The following TTC27 variants were observed in gnomAD, a reference collection of about 807,000 sequenced individuals.
The protein encoded by TTC27 is tetratricopeptide repeat protein 27.
Under a neutral mutation model 115.9 loss-of-function variants are expected in TTC27, and 79 were observed. The ratio of observed to expected loss-of-function variants is 0.68; its 90% CI spans 0.57 to 0.82. The LOEUF (loss-of-function observed/expected upper bound fraction) is 0.82. Ranked by LOEUF, TTC27 falls within the 40% of genes least tolerant of loss-of-function variation. The probability of loss-of-function intolerance (pLI) is 0.00; values close to 1 mark genes in which losing one functional copy is unlikely to be tolerated. For synonymous variants in TTC27, 401 were observed against 356.0 expected (o/e 1.13, Z -1.42); for missense variants, 1,054 against 993.1 (o/e 1.06, Z -0.82).
intron 13 of TTC27, among the ~76,000 whole-genome samples, chr2:32,763,143 A>C (rs999079419): frequency 6.6e-6 from 1 of 152,214 alleles, no homozygotes; most frequent in Non-Finnish European, 1.5e-5. Flanking sequence ...ATGTGAAAAT[A>C]TTTTGGAGCT....
intron 13 of TTC27, among the ~76,000 whole-genome samples, chr2:32,773,876 G>A (rs762734721): frequency 2.0e-5 from 3 of 152,212 alleles, no homozygotes; most frequent in Admixed American, 6.5e-5. Flanking sequence ...AGGTATTCCA[G>A]GGCCTATGTC....
chr2:32,810,848 A>G (rs1227942298), intron 16 of TTC27, among the ~76,000 whole-genome samples, 176 bp from the exon 17 acceptor site: 1 of 152,180 alleles, frequency 6.6e-6, no homozygotes, highest in African/African-American at 2.4e-5. Context: ...ATGAGATCCT[A>G]GAGAGTGCTT....
chr2:32,820,666 G>A lies in TTC27; in HGVS notation c.2410-150G>A, dbSNP rs116656368. 0.01 allele frequency: 5,899 copies of A among 567,120 alleles called. 41 individuals are homozygous for A. The highest frequency in any genetic ancestry group is 0.013 in the Non-Finnish European group (5,102 of 385,618). The allele number at this position is 567,120 out of a possible 1,614,324, so 35.1% of individuals were successfully genotyped here. A position where few individuals can be genotyped will look rare whatever the true frequency, so the allele number is the denominator to read the frequency against. On this transcript the variant is annotated intron_variant, in intron 19 of 19. Coordinates refer to ENST00000317907, the MANE Select transcript of TTC27 (RefSeq NM_017735.5). ...AATTATTTTAGCTTGTACATTTCTTGGCTAGTGAACAGAAAAAAATGCTAC... is the reference window on the plus strand; with the variant it reads ...AATTATTTTAGCTTGTACATTTCTTAGCTAGTGAACAGAAAAAAATGCTAC...
rs1559195926 is a variant in TTC27 at position 32,666,755 on chromosome 2, A to C, written c.926A>C (p.Glu309Ala). 1 of 1,612,810 alleles carries C rather than the reference A, an allele frequency of 6.2e-7. No homozygotes were observed. The highest frequency in any genetic ancestry group is 2.2e-5 in the East Asian group (1 of 44,832). ...TTCACTCCAGCACCCACTCCTCAGG[A>C]ACATTTAACCAAGGCAAGTAGGACA... ...CEFTPAPTPQEHLTKNLELND... is the reference protein window; with the variant it reads ...CEFTPAPTPQAHLTKNLELND... The change falls in exon 7 of 20, where the codon GAA becomes GCA. Residue 309 changes from glutamate (E) to alanine (A), a missense_variant. By Grantham distance (107) the Glu-to-Ala change is moderately radical (BLOSUM62 -1). Coordinates refer to ENST00000317907, the MANE Select transcript of TTC27 (RefSeq NM_017735.5).
chr2:32,685,307 G>A (rs571212611), intron 9 of TTC27, among the ~76,000 whole-genome samples: 4 of 152,216 alleles, frequency 2.6e-5, no homozygotes, highest in African/African-American at 9.6e-5. Context: ...TGGGATTGCA[G>A]GCATGAGCCA....
At chr2:32,769,637 G>T (rs762252308) in intron 13 of TTC27, among the ~76,000 whole-genome samples, 1 of 149,200 alleles carries the variant, frequency 6.7e-6, no homozygotes, top group Non-Finnish European at 1.5e-5. Flanking sequence ...TTCTAGGGGA[G>T]AGTGGAATGA....
chr2:32,700,610 T>C (rs1667152635), intron 9 of TTC27, among the ~76,000 whole-genome samples: 1 of 152,296 alleles, frequency 6.6e-6, no homozygotes, highest in Non-Finnish European at 1.5e-5. Flanking sequence ...CAATCTCGGC[T>C]CACTGCAACC....
At chr2:32,776,953 A>G (rs182889171) in intron 13 of TTC27, among the ~76,000 whole-genome samples, 22 of 152,154 alleles carry the variant, frequency 1.4e-4, no homozygotes, top group Admixed American at 5.2e-4. Context: ...AGGCTATTGA[A>G]TTTTAAGGAA....
intron 5 of TTC27, among the ~76,000 whole-genome samples, chr2:32,663,253 T>A (rs1449630533): frequency 6.6e-6 from 1 of 152,208 alleles, no homozygotes. Context: ...GCTTTGTGTC[T>A]GCCCAAACGG....
intron 16 of TTC27, among the ~76,000 whole-genome samples, chr2:32,798,712 A>AAAAAAAT (rs1167702457): frequency 2.5e-4 from 33 of 130,746 alleles, no homozygotes; most frequent in African/African-American, 9.2e-4. Flanking sequence ...CTCAAAAAAA[A>AAAAAAAT]AAATAATAAT....
Position 32,746,563 on chromosome 2 carries a change from C to CAAAAAAAAAAAAAAAAAAAAAAAA in TTC27, c.1452+9766_1452+9767insAAAAAAAAAAAAAAAAAAAAAAAA. Among the ~76,000 whole-genome samples, 71 of 46,276 alleles carry CAAAAAAAAAAAAAAAAAAAAAAAA rather than the reference C, an allele frequency of 1.5e-3. 3 individuals are homozygous for CAAAAAAAAAAAAAAAAAAAAAAAA. The highest frequency in any genetic ancestry group is 3.3e-3 in the Admixed American group (10 of 2,996). The allele number at this position is 46,276 out of a possible 152,430, so 30.4% of individuals were successfully genotyped here. A position where few individuals can be genotyped will look rare whatever the true frequency, so the allele number is the denominator to read the frequency against. On this transcript the variant is annotated intron_variant, in intron 12 of 19. Transcript: ENST00000317907. ...TGGCAATAAGAGTGAAACTCCATCT[C>CAAAAAAAAAAAAAAAAAAAAAAAA]AAAAAAAAAAAAAAAAAAAGAATGC... is the stretch of plus-strand genomic sequence containing the variant.
At chr2:32,670,283 C>T (rs956068057) in intron 7 of TTC27, among the ~76,000 whole-genome samples, 4 of 151,950 alleles carry the variant, frequency 2.6e-5, no homozygotes, top group Non-Finnish European at 4.4e-5. Flanking sequence ...TAAAATATAC[C>T]GATTTTAAAT....
chr2:32,763,471 T>G (rs1247564660), intron 13 of TTC27, among the ~76,000 whole-genome samples: 1 of 152,242 alleles, frequency 6.6e-6, no homozygotes, highest in Non-Finnish European at 1.5e-5. Context: ...CTGCACCTCT[T>G]AATAACTTTC....
intron 18 of TTC27, 73 bp downstream of exon 18, chr2:32,812,688 A>G: frequency 1.8e-6 from 2 of 1,120,788 alleles, no homozygotes; most frequent in Non-Finnish European, 2.7e-6. Flanking sequence ...AGTGTTGGTC[A>G]AAAGTAAAGT....
chr2:32,755,620 G>A (rs967652629), intron 12 of TTC27, among the ~76,000 whole-genome samples: 2 of 108,178 alleles, frequency 1.8e-5, no homozygotes, highest in East Asian at 2.7e-4. Context: ...GAGGGAGACC[G>A]TGGGGAGACG....
chr2:32,726,031 C>T (rs907278886), intron 10 of TTC27, among the ~76,000 whole-genome samples: 1 of 151,954 alleles, frequency 6.6e-6, no homozygotes, highest in East Asian at 1.9e-4. Flanking sequence ...GGCTGGGACA[C>T]AGGGCACCAA....
intron 11 of TTC27, 109 bp from the exon 12 acceptor site, chr2:32,736,585 T>G: frequency 1.7e-6 from 2 of 1,160,054 alleles, no homozygotes; most frequent in South Asian, 1.5e-5. Context: ...TTTATACATT[T>G]ATTACAATAA....
At chr2:32,667,367 G>A (rs186676011) in intron 7 of TTC27, among the ~76,000 whole-genome samples, 108 of 148,604 alleles carry the variant, frequency 7.3e-4, no homozygotes, top group Middle Eastern at 3.6e-3. Flanking sequence ...CCATGAAGCC[G>A]TTTAGTATTT....
Position 32,758,513 on chromosome 2 carries a change from C to T in TTC27, c.1674C>T (p.Pro558=), listed in dbSNP as rs1202423131. The change falls in exon 13 of 20, where the codon CCC becomes CCT. Residue 558 remains proline, a synonymous_variant. Coordinates refer to ENST00000317907, the MANE Select transcript of TTC27 (RefSeq NM_017735.5). ...TCGAACGCTCGGTTAAGATTAATCC[C>T]ATGCAGGTTAGACAACTCATAACCC... is the stretch of plus-strand genomic sequence containing the variant. ...ECFERSVKIN[P]MQLGVWFSLG... 4 of 1,614,010 alleles carry T rather than the reference C, an allele frequency of 2.5e-6. No homozygotes were observed. The highest frequency in any genetic ancestry group is 3.4e-6 in the Non-Finnish European group (4 of 1,179,906).
Sources: allele counts gnomAD v4.1 joint callset (sites outside exome capture counted in the v4.1 genomes callset), GRCh38; gene constraint gnomAD v4.1.1; transcripts MANE v1.5; gene names NCBI Gene and HGNC (gene_info 2026-07-23, HGNC 2026-07-21).